Variants in ALG9 observed in about 807,000 individuals in gnomAD.
ALG9 encodes the protein alpha-1,2-mannosyltransferase ALG9.
ALG9 carries 55 observed loss-of-function variants against 81.8 expected under a neutral mutation model. That is an observed-to-expected ratio of 0.67 (90% CI 0.54 to 0.84). The LOEUF (loss-of-function observed/expected upper bound fraction) is 0.84. ALG9 is among the 40% of genes least tolerant of loss of function. The pLI is 0.00. For synonymous variants in ALG9, 278 were observed against 274.3 expected (o/e 1.01, Z -0.13); for missense variants, 629 against 745.0 (o/e 0.84, Z 1.81).
chr11:111,855,336 T>C (rs944999081), intron 6 of ALG9, among the ~76,000 whole-genome samples: 2 of 152,312 alleles, frequency 1.3e-5, no homozygotes, highest in East Asian at 3.9e-4. Flanking sequence ...GAAGCTGCCA[T>C]AGAGTTTAAA....
At chr11:111,868,481 T>C (rs1555155279) in intron 3 of ALG9, 121 bp downstream of exon 3, 3 of 1,250,584 alleles carry the variant, frequency 2.4e-6, no homozygotes, top group East Asian at 4.8e-5. Flanking sequence ...ATTGGATAAA[T>C]GATTCTTCTT....
intron 14 of ALG9, among the ~76,000 whole-genome samples, chr11:111,793,940 A>G (rs893065164): frequency 1.3e-5 from 2 of 152,256 alleles, no homozygotes; most frequent in African/African-American, 4.8e-5. Context: ...AGGGCAGCAC[A>G]GGCAGCGTGA....
chr11:111,856,655 T>C (rs917275794), intron 6 of ALG9, among the ~76,000 whole-genome samples: 8 of 150,392 alleles, frequency 5.3e-5, no homozygotes, highest in Non-Finnish European at 8.9e-5. Flanking sequence ...AATAAAGATA[T>C]AATCCTTCTA....
At chr11:111,795,096 TC>T (rs1555074131) in intron 14 of ALG9, among the ~76,000 whole-genome samples, 1 of 152,198 alleles carries the variant, frequency 6.6e-6, no homozygotes, top group African/African-American at 2.4e-5. Flanking sequence ...TATGTTATAC[TC>T]CACCAGTCCC....
intron 12 of ALG9, chr11:111,836,610 T>C: frequency 2.8e-6 from 1 of 357,676 alleles, no homozygotes; most frequent in Non-Finnish European, 5.4e-6. Context: ...CAGAGAGACT[T>C]ATCAAATAAA....
chr11:111,865,171 T>G lies in ALG9; in HGVS notation c.476+10A>C, dbSNP rs922024808. ...CACAGCACTTTTAGAAGCAAAGTTT[T>G]TATACTCACTTGTAAAAGTAAAGTT... is the stretch of plus-strand genomic sequence containing the variant. On this transcript the variant is annotated intron_variant, in intron 4 of 14. Coordinates refer to ENST00000616540, the MANE Select transcript of ALG9 (RefSeq NM_024740.2). The G allele has an allele frequency of 2.0e-6, 3 of 1,537,600 alleles. No homozygotes were observed. In the African/African-American group the frequency reaches 4.2e-5, roughly 21 times the overall value.
chr11:111,863,623 G>A (rs1961159851), intron 4 of ALG9, among the ~76,000 whole-genome samples: 1 of 152,092 alleles, frequency 6.6e-6, no homozygotes, highest in African/African-American at 2.4e-5. Flanking sequence ...TATTACTAAA[G>A]CATTATTAAA....
chr11:111,866,406 T>C (rs1358015200), intron 3 of ALG9, among the ~76,000 whole-genome samples: 1 of 152,156 alleles, frequency 6.6e-6, no homozygotes, highest in African/African-American at 2.4e-5. Context: ...TGCTTTCATT[T>C]GGGGTAGCAA....
intron 10 of ALG9, among the ~76,000 whole-genome samples, chr11:111,839,010 A>G (rs1267287887): frequency 6.6e-6 from 1 of 152,224 alleles, no homozygotes; most frequent in Non-Finnish European, 1.5e-5. Flanking sequence ...ATTTTCCAAT[A>G]TATAACAAAT....
intron 3 of ALG9, among the ~76,000 whole-genome samples, chr11:111,867,411 A>T (rs1170366927): frequency 6.6e-6 from 1 of 152,224 alleles, no homozygotes; most frequent in Non-Finnish European, 1.5e-5. Flanking sequence ...AACAAAATTT[A>T]AAGCGGGCTT....
At chr11:111,770,659 A>G in the ALG9 span, among the ~76,000 whole-genome samples, 1 of 152,172 alleles carries the variant, frequency 6.6e-6, no homozygotes, top group African/African-American at 2.4e-5. Flanking sequence ...TGATCACATC[A>G]CTACATTCCA....
chr11:111,865,199 C>T lies in ALG9; in HGVS notation c.458G>A (p.Cys153Tyr), dbSNP rs933338220. 13 of 1,548,992 alleles carry T rather than the reference C, an allele frequency of 8.4e-6. No homozygotes were observed. The change falls in exon 4 of 15, where the codon TGT becomes TAT. Residue 153 changes from cysteine (C) to tyrosine (Y), a missense_variant. Physicochemically the swap from Cys to Tyr is radical, Grantham distance 194 (BLOSUM62 -2). Transcript: ENST00000616540. The part of the protein sequence containing the change: ...RCLLAFVSCI[C>Y]ELYFYKAVCK... ...TACTCACTTGTAAAAGTAAAGTTCACAAATACAGCTCACAAAAGCCAGAAG... is the reference window on the plus strand; with the variant it reads ...TACTCACTTGTAAAAGTAAAGTTCATAAATACAGCTCACAAAAGCCAGAAG...
intron 8 of ALG9, among the ~76,000 whole-genome samples, chr11:111,848,987 G>T (rs1278957836): frequency 6.6e-6 from 1 of 152,028 alleles, no homozygotes; most frequent in Non-Finnish European, 1.5e-5. Flanking sequence ...TAATTAGACA[G>T]TAAGTACTAT....
chr11:111,806,612 T>A (rs1462775370), intron 14 of ALG9, among the ~76,000 whole-genome samples: 1 of 152,172 alleles, frequency 6.6e-6, no homozygotes, highest in Non-Finnish European at 1.5e-5. Context: ...CCTGGCCTCA[T>A]CTCGTCCCTA....
At chr11:111,770,580 G>T in the ALG9 span, among the ~76,000 whole-genome samples, 1 of 151,990 alleles carries the variant, frequency 6.6e-6, no homozygotes, top group African/African-American at 2.4e-5. Context: ...ACACCTGTAG[G>T]CCCAGCTGCT....
Position 111,837,474 on chromosome 11 carries a change from G to C in ALG9, c.1466C>G (p.Pro489Arg). Residue 489 changes from proline (P) to arginine (R), a missense_variant, in exon 12 of 15, where the codon CCT (proline) becomes CGT (arginine). Coordinates refer to ENST00000616540, the MANE Select transcript of ALG9 (RefSeq NM_024740.2). ...GAATTAAAGGACAACTTACTTGTCA[G>C]GAAGAAGGAAGCTGCTGGGAAATCG... The part of the protein sequence containing the change: ...WYRFPSSFLL[P>R]DNWQLQFIPS... 1 of 1,614,116 alleles carries C rather than the reference G, an allele frequency of 6.2e-7. No individual in the cohort carries two copies. The highest frequency in any genetic ancestry group is 8.5e-7 in the Non-Finnish European group (1 of 1,180,038).
the ALG9 span, among the ~76,000 whole-genome samples, chr11:111,774,171 G>A: frequency 6.6e-6 from 1 of 150,462 alleles, no homozygotes; most frequent in African/African-American, 2.4e-5. Context: ...AAGGTCGGGA[G>A]TTTGAGACCA....
chr11:111,836,023 A>G, intron 13 of ALG9, 142 bp downstream of exon 13: 1 of 1,060,046 alleles, frequency 9.4e-7, no homozygotes, highest in African/African-American at 1.6e-5. Context: ...TGCTGGGATT[A>G]CAGGTGTGAG....
chr11:111,864,385 A>G lies in ALG9; in HGVS notation c.476+796T>C. 3 of 765,628 alleles carry G rather than the reference A, an allele frequency of 3.9e-6. No homozygotes were observed. The South Asian group carries it at 4.1e-5, about 10-fold the overall frequency. The allele number at this position is 765,628 out of a possible 1,614,324, so 47.4% of individuals were successfully genotyped here. ...AACAATTCTGTCTGCAGAATGTTCA[A>G]CATGACCCTCTGCTGACTAGAGTAT... On this transcript the variant is annotated intron_variant, in intron 4 of 14. Coordinates refer to ENST00000616540, the MANE Select transcript of ALG9 (RefSeq NM_024740.2).
Sources: allele counts gnomAD v4.1 joint callset (sites outside exome capture counted in the v4.1 genomes callset), GRCh38; gene constraint gnomAD v4.1.1; transcripts MANE v1.5; gene names NCBI Gene and HGNC (gene_info 2026-07-23, HGNC 2026-07-21).